The following MYL7 variants were observed in gnomAD, a reference collection of about 807,000 sequenced individuals.
MYL7 encodes myosin regulatory light chain 2, atrial isoform.
A neutral mutation model predicts 22.5 loss-of-function variants in MYL7; 27 were observed. That is an observed-to-expected ratio of 1.20 (90% CI 0.89 to 1.66). The LOEUF is 1.66. Among genes scored for constraint, MYL7 ranks in the 40% most tolerant of loss-of-function variants. The pLI, the probability that MYL7 is intolerant of heterozygous loss-of-function variation, is 0.00. For missense variants in MYL7, 209 were observed against 226.8 expected (o/e 0.92, Z 0.50); for synonymous variants, 81 against 84.4 (o/e 0.96, Z 0.22).
At position 44,139,388 on chromosome 7, in the gene MYL7, G is replaced by T. The variant is rs747031091; in HGVS notation, c.426+133C>A. 21 of 1,006,132 alleles carry T rather than the reference G, an allele frequency of 2.1e-5. No individual in the cohort carries two copies. The South Asian group carries it at 2.7e-4, about 13-fold the overall frequency. 62.3% of individuals were successfully genotyped at this position (1,006,132 alleles called of 1,614,324 possible). On this transcript the variant is annotated intron_variant, in intron 6 of 6. Coordinates refer to ENST00000223364, the MANE Select transcript of MYL7 (RefSeq NM_021223.3). ...TCTTTACCCTCTAGGTCTCAACAGA[G>T]ATGGCACCTCCTCCAGAAGGGCCCT...
Position 44,141,050 on chromosome 7 carries a change from C to T in MYL7, c.28G>A (p.Gly10Ser), listed in dbSNP as rs1332621925. The T allele has an allele frequency of 1.2e-6, 2 of 1,613,908 alleles. No homozygotes were observed. Among genetic ancestry groups the T allele is most frequent in the Admixed American group, 3.3e-5 (2 of 60,004 alleles). Reference protein sequence around the residue: MASRKAGTRGKVAATKQAQR... With the variant: MASRKAGTRSKVAATKQAQR... Reference sequence around the variant, plus strand: ...GCCTGCTTGGTGGCTGCCACCTTGCCCCGGGTCCCCGCCTTCCTGCTGGCC... The same window carrying T: ...GCCTGCTTGGTGGCTGCCACCTTGCTCCGGGTCCCCGCCTTCCTGCTGGCC... Residue 10 changes from glycine (G) to serine (S), a missense_variant, in exon 2 of 7, where the codon GGC (glycine) becomes AGC (serine). Coordinates refer to ENST00000223364, the MANE Select transcript of MYL7 (RefSeq NM_021223.3).
At chr7:44,140,627 A>G (rs55908146) in intron 3 of MYL7, 85 bp downstream of exon 3, 417,504 of 1,382,522 alleles carry the variant, frequency 0.3, 65,354 homozygotes, top group Non-Finnish European at 0.33. Flanking sequence ...AGGGGAGCAG[A>G]GTCCTGTCCC....
In MYL7 at chr7:44,141,023, G is replaced by A; in HGVS notation, c.55C>T (p.Gln19Ter). The A allele has an allele frequency of 1.2e-6, 2 of 1,614,008 alleles. No individual in the cohort carries two copies. Among genetic ancestry groups the A allele is most frequent in the Non-Finnish European group, 8.5e-7 (1 of 1,179,972 alleles). The change falls in exon 2 of 7, where the codon CAA (glutamine) becomes TAA (stop). Residue 19 changes from glutamine to a stop codon, truncating the protein, a stop_gained. Coordinates refer to ENST00000223364, the MANE Select transcript of MYL7 (RefSeq NM_021223.3). LOFTEE classifies it high-confidence loss of function. ...RGKVAATKQAQRGSSNVFSMF... is the reference protein window; with the variant it reads ...RGKVAATKQA ...GAAAAGACGTTGGAAGAACCACGTT[G>A]GGCCTGCTTGGTGGCTGCCACCTTG... is the stretch of plus-strand genomic sequence containing the variant.
rs1292543428 is a variant in MYL7, at chr7:44,141,049, C to A, written c.29G>T (p.Gly10Val). The A allele has an allele frequency of 2.5e-6, 4 of 1,613,842 alleles. No homozygotes were observed. The highest frequency in any genetic ancestry group is 3.4e-6 in the Non-Finnish European group (4 of 1,179,942). Residue 10 changes from glycine (G) to valine (V), a missense_variant, in exon 2 of 7, where the codon GGC becomes GTC. Coordinates refer to ENST00000223364, the MANE Select transcript of MYL7 (RefSeq NM_021223.3). ...GGCCTGCTTGGTGGCTGCCACCTTG[C>A]CCCGGGTCCCCGCCTTCCTGCTGGC... Reference protein sequence around the residue: MASRKAGTRGKVAATKQAQR... With the variant: MASRKAGTRVKVAATKQAQR...
chr7:44,139,604 G>C, intron 5 of MYL7, 35 bp from the exon 6 acceptor site: 1 of 1,589,470 alleles, frequency 6.3e-7, no homozygotes, highest in Non-Finnish European at 8.6e-7. Flanking sequence ...AGGAGACTGC[G>C]GGGGAGTGAC....
At chr7:44,139,694 G>A (rs561684540) in intron 5 of MYL7, 88 bp downstream of exon 5, 13 of 1,575,756 alleles carry the variant, frequency 8.3e-6, no homozygotes, top group South Asian at 2.3e-5. Context: ...GTAAGGCCCC[G>A]AAGCACAGGC....
rs772944322 is a variant in MYL7 at position 44,140,743 on chromosome 7, C to T, written c.162G>A (p.Lys54=). The T allele has an allele frequency of 2.5e-6, 4 of 1,612,516 alleles. No individual in the cohort carries two copies. Among genetic ancestry groups the T allele is most frequent in the South Asian group, 1.1e-5 (1 of 90,874 alleles). ...GGGAGTAGGTCTCCCTCAGGTCTGC[C>T]TTGCAGATGATGCCATCACGATTCT... ...IDQNRDGIIC[K]ADLRETYSQL... The change falls in exon 3 of 7, where the codon AAG becomes AAA. Residue 54 remains lysine (K), a synonymous_variant. Transcript: ENST00000223364.
rs749595768 is a variant in MYL7, at chr7:44,141,089, G to C, written c.4-15C>G. On this transcript the variant is annotated splice_polypyrimidine_tract_variant and intron_variant, in intron 1 of 6. Transcript: ENST00000223364. ...TTCCTGCTGGCCTGCAACACTGTGA[G>C]TAGGGAGGGGTCCTCTCCCCAACTC... 1.2e-6 allele frequency: 2 copies of C among 1,612,636 alleles called. No individual in the cohort carries two copies. The highest frequency in any genetic ancestry group is 1.7e-6 in the Non-Finnish European group (2 of 1,178,784).
chr7:44,140,262 G>C (rs2096263644), intron 4 of MYL7, 61 bp downstream of exon 4: 1 of 1,429,684 alleles, frequency 7.0e-7, no homozygotes, highest in East Asian at 2.3e-5. Flanking sequence ...TTCAGGTGGG[G>C]TTCAGGCAGG....
chr7:44,140,282 C>T, intron 4 of MYL7, 41 bp downstream of exon 4: 1 of 1,566,948 alleles, frequency 6.4e-7, no homozygotes, highest in South Asian at 1.1e-5. Context: ...GGTGCAGGCT[C>T]CCTGCCTGGC....
Position 44,140,179 on chromosome 7 carries a change from A to T in MYL7, c.298+144T>A, listed in dbSNP as rs1053471513. On this transcript the variant is annotated intron_variant, in intron 4 of 6. Coordinates refer to ENST00000223364, the MANE Select transcript of MYL7 (RefSeq NM_021223.3). ...AATGGGTCATGGCCAGGAAGAGTCCAGGTGGGTCCAGGTGGGGTTCAGTTA... is the reference window on the plus strand; with the variant it reads ...AATGGGTCATGGCCAGGAAGAGTCCTGGTGGGTCCAGGTGGGGTTCAGTTA... 1.8e-5 allele frequency: 12 copies of T among 671,078 alleles called. No homozygotes were observed. In the East Asian group the frequency reaches 3.2e-4, roughly 18 times the overall value. 41.6% of individuals were successfully genotyped at this position (671,078 alleles called of 1,614,324 possible).
rs184825825 is a variant in MYL7 at position 44,139,606 on chromosome 7, G to C, written c.378-37C>G. ...GGAGGGTCTGAGCAGGAGACTGCGGGGGAGTGACTGCACAGGGAAGGTGGG... is the reference window on the plus strand; with the variant it reads ...GGAGGGTCTGAGCAGGAGACTGCGGCGGAGTGACTGCACAGGGAAGGTGGG... On this transcript the variant is annotated intron_variant, in intron 5 of 6. Transcript: ENST00000223364. 66 of 1,588,826 alleles carry C rather than the reference G, an allele frequency of 4.2e-5. No individual in the cohort carries two copies. The East Asian group carries it at 1.5e-3, about 36-fold the overall frequency.
chr7:44,139,708 C>T, intron 5 of MYL7, 74 bp downstream of exon 5: 1 of 1,581,868 alleles, frequency 6.3e-7, no homozygotes, highest in South Asian at 1.1e-5. Context: ...CACAGGCAGC[C>T]CCCCTCACTA....
Position 44,140,684 on chromosome 7 carries a change from G to A in MYL7, c.193+28C>T, listed in dbSNP as rs369793259. 3.8e-6 allele frequency: 6 copies of A among 1,576,816 alleles called. No homozygotes were observed. In the African/African-American group the frequency reaches 4.0e-5, roughly 11 times the overall value. On this transcript the variant is annotated intron_variant, in intron 3 of 6. Coordinates refer to ENST00000223364, the MANE Select transcript of MYL7 (RefSeq NM_021223.3). ...AGCAGCTCAGAGTAGGGACCCCAGT[G>A]CGCAGGGTGGGAGGTGGGTGCACGC...
At chr7:44,140,830 AG>A (rs1487040993) in intron 2 of MYL7, 43 bp from the exon 3 acceptor site, 2 of 1,458,496 alleles carry the variant, frequency 1.4e-6, no homozygotes, top group Admixed American at 1.9e-5. Context: ...CCCCAGCTCT[AG>A]GGAAGGTGGG....
chr7:44,140,213 G>C (rs1448984498), intron 4 of MYL7, 110 bp downstream of exon 4: 2 of 885,990 alleles, frequency 2.3e-6, no homozygotes, highest in African/African-American at 1.6e-5. Flanking sequence ...TAGGGTTCAG[G>C]TGGGGTTCAT....
At position 44,140,990 on chromosome 7, in the gene MYL7, C is replaced by T; in HGVS notation, c.88G>A (p.Glu30Lys). 1 of 1,613,892 alleles carries T rather than the reference C, an allele frequency of 6.2e-7. No homozygotes were observed. Among genetic ancestry groups the T allele is most frequent in the East Asian group, 2.2e-5 (1 of 44,868 alleles). ...TTGAACTCCTGTATCTGGGCTTGTT[C>T]AAACATGGAAAAGACGTTGGAAGAA... ...RGSSNVFSMF[E>K]QAQIQEFKEA... The change falls in exon 2 of 7, where the codon GAA (glutamate) becomes AAA (lysine). Residue 30 changes from glutamate (E) to lysine (K), a missense_variant. By Grantham distance (56) the Glu-to-Lys change is moderately conservative. Transcript: ENST00000223364.
intron 5 of MYL7, 36 bp downstream of exon 5, chr7:44,139,746 C>T (rs2096263000): frequency 1.2e-6 from 2 of 1,610,190 alleles, no homozygotes; most frequent in African/African-American, 2.7e-5. Flanking sequence ...TCTGCTTCCA[C>T]CACGGTGCTC....
chr7:44,139,339 C>A (rs140160059), intron 6 of MYL7, 182 bp downstream of exon 6: 1 of 777,940 alleles, frequency 1.3e-6, no homozygotes, highest in East Asian at 2.6e-5. Flanking sequence ...CCTGGCGCAC[C>A]CTGCCCTCTT....
Sources: allele counts gnomAD v4.1 joint callset, GRCh38; gene constraint gnomAD v4.1.1; transcripts MANE v1.5; gene names NCBI Gene and HGNC (gene_info 2026-07-23, HGNC 2026-07-21).